BDNF: variants seen among roughly 807,000 people sequenced by gnomAD.
BDNF encodes neurotrophic factor BDNF precursor form.
Under a neutral mutation model 19.5 loss-of-function variants are expected in BDNF, and 1 was observed. The ratio of observed to expected loss-of-function variants is 0.05; its 90% CI spans 0.02 to 0.24. The LOEUF is 0.24. Among genes scored for constraint, BDNF ranks in the 10% least tolerant of loss-of-function variants. The pLI is 1.00. For missense variants in BDNF, 195 were observed against 317.6 expected, an observed-to-expected ratio of 0.61 and a Z score of 2.93; for synonymous variants, 100 against 121.6, an observed-to-expected ratio of 0.82 and a Z score of 1.17.
chr11:27,703,605 G>A (rs569673342), upstream of BDNF, among the ~76,000 whole-genome samples: 16 of 152,186 alleles, frequency 1.1e-4, no homozygotes, highest in Non-Finnish European at 2.2e-4. Flanking sequence ...TGATTGGGTG[G>A]GTCTATGGCC....
At chr11:27,663,262 A>G (rs1266841280) in intron 1 of BDNF, among the ~76,000 whole-genome samples, 1 of 152,234 alleles carries the variant, frequency 6.6e-6, no homozygotes, top group African/African-American at 2.4e-5. Context: ...ATATTTATTT[A>G]TACTTAATAA....
chr11:27,701,065 A>T (rs1022917635), upstream of BDNF: 4 of 1,345,502 alleles, frequency 3.0e-6, no homozygotes, highest in Admixed American at 4.0e-5. Context: ...CTGCTGCCTT[A>T]AACACGCCGG....
chr11:27,663,802 C>T (rs772626714), intron 1 of BDNF, among the ~76,000 whole-genome samples: 12 of 152,122 alleles, frequency 7.9e-5, no homozygotes, highest in Non-Finnish European at 1.6e-4. Flanking sequence ...TATGTGTGTC[C>T]TGGAACCTAA....
exon 1 of BDNF, chr11:27,721,831 A>G (rs1424018490): frequency 4.7e-6 from 1 of 215,022 alleles, no homozygotes; most frequent in African/African-American, 2.3e-5. Context: ...GAAAGTTCCC[A>G]GAGAAAGTGA....
chr11:27,666,173 C>G (rs942788525), intron 1 of BDNF, among the ~76,000 whole-genome samples: 3 of 152,174 alleles, frequency 2.0e-5, no homozygotes, highest in Non-Finnish European at 4.4e-5. Flanking sequence ...GAGTGGACCT[C>G]CAGCAAACTC....
chr11:27,716,456 G>GACACAC (rs61227267), intron 1 of BDNF, among the ~76,000 whole-genome samples: 63,798 of 146,622 alleles, frequency 0.44, 13,862 homozygotes, highest in Admixed American at 0.49. Flanking sequence ...CACACACACA[G>GACACAC]ACACACACAC....
chr11:27,704,988 A>G (rs1437909913), upstream of BDNF, among the ~76,000 whole-genome samples: 2 of 152,214 alleles, frequency 1.3e-5, no homozygotes, highest in African/African-American at 2.4e-5. Context: ...CAAGACTAGG[A>G]GAGTAGAACA....
chr11:27,669,256 T>C (rs1854913767), intron 1 of BDNF, among the ~76,000 whole-genome samples: 1 of 152,152 alleles, frequency 6.6e-6, no homozygotes, highest in Non-Finnish European at 1.5e-5. Context: ...GGGACATATC[T>C]CAAAATAATA....
chr11:27,709,173 A>G (rs555817485), intron 1 of BDNF, among the ~76,000 whole-genome samples: 1 of 152,294 alleles, frequency 6.6e-6, no homozygotes, highest in East Asian at 1.9e-4. Flanking sequence ...AAAATATATT[A>G]GTAGCTGTTG....
At chr11:27,719,288 C>T (rs1860653971) in intron 1 of BDNF, among the ~76,000 whole-genome samples, 1 of 152,220 alleles carries the variant, frequency 6.6e-6, no homozygotes, top group African/African-American at 2.4e-5. Flanking sequence ...CGCCCTCCAC[C>T]GGCGCCTCCG....
At chr11:27,690,557 C>A (rs915075113) in intron 1 of BDNF, among the ~76,000 whole-genome samples, 1 of 152,074 alleles carries the variant, frequency 6.6e-6, no homozygotes, top group East Asian at 1.9e-4. Flanking sequence ...AGCATATTTA[C>A]ATGATCCTTG....
At chr11:27,714,642 T>C (rs1860448161) in intron 1 of BDNF, among the ~76,000 whole-genome samples, 1 of 152,188 alleles carries the variant, frequency 6.6e-6, no homozygotes. Context: ...ATATACTTCT[T>C]AACAAGTTAA....
chr11:27,704,242 T>C (rs1257141783), upstream of BDNF, among the ~76,000 whole-genome samples: 1 of 152,246 alleles, frequency 6.6e-6, no homozygotes, highest in African/African-American at 2.4e-5. Context: ...TTTGTGGGGC[T>C]TAAAAATTAA....
chr11:27,708,084 T>A (rs185921279), intron 1 of BDNF, among the ~76,000 whole-genome samples: 1 of 152,346 alleles, frequency 6.6e-6, no homozygotes, highest in African/African-American at 2.4e-5. Context: ...GAGGATCTTT[T>A]ATTTCATAGG....
intron 1 of BDNF, among the ~76,000 whole-genome samples, chr11:27,709,250 C>A (rs1860233900): frequency 6.6e-6 from 1 of 152,026 alleles, no homozygotes. Context: ...AAGCTGTTGT[C>A]CAATCTCAGA....
intron 1 of BDNF, among the ~76,000 whole-genome samples, chr11:27,721,029 A>G (rs921578214): frequency 2.3e-5 from 3 of 131,816 alleles, no homozygotes; most frequent in African/African-American, 8.5e-5. Context: ...CTCTAACAGC[A>G]TTATTGTTTT....
At position 27,700,403 on chromosome 11, in the gene BDNF, G is replaced by A. The variant is rs1859770140; in HGVS notation, c.-261C>T. The A allele has an allele frequency of 1.0e-6, 1 of 985,934 alleles. No homozygotes were observed. Among genetic ancestry groups the A allele is most frequent in the African/African-American group, 1.7e-5 (1 of 57,184 alleles). The allele number at this position is 985,934 out of a possible 1,614,324, so 61.1% of individuals were successfully genotyped here. A position where few individuals can be genotyped will look rare whatever the true frequency, so the allele number is the denominator to read the frequency against. On this transcript the variant is annotated 5_prime_UTR_variant, in exon 1 of 2. Transcript: ENST00000356660. ...GGGTGCGCGGGACAGCGAGCGGGCG[G>A]GTGCGCCCGGGCGCGGCGGCGGCAG...
chr11:27,675,245 CACAGAGGTT>C (rs1855930500), intron 1 of BDNF: 1 of 152,208 alleles, frequency 6.6e-6, no homozygotes, highest in South Asian at 2.1e-4. Flanking sequence ...ACACTAATTC[CACAGAGGTT>C]AAATATAACC....
chr11:27,711,468 C>T lies in BDNF; in HGVS notation c.3+9944G>A, dbSNP rs117836511. Among the ~76,000 whole-genome samples the T allele has an allele frequency of 5.1e-4, 78 of 152,278 alleles. No individual in the cohort carries two copies. In the East Asian group the frequency reaches 0.015, roughly 29 times the overall value. On this transcript the variant is annotated intron_variant, in intron 1 of 1. Coordinates refer to the BDNF transcript ENST00000314915. ...GCACTCCTGGAAATGAATTGTGAGA[C>T]TCATGGCCATCTCAAAGAGTTGTGG...
Sources: allele counts gnomAD v4.1 joint callset (sites outside exome capture counted in the v4.1 genomes callset), GRCh38; gene constraint gnomAD v4.1.1; transcripts MANE v1.5; gene names NCBI Gene and HGNC (gene_info 2026-07-23, HGNC 2026-07-21).